DNAJC11: variants seen among roughly 807,000 people sequenced by gnomAD.
The protein encoded by DNAJC11 is dnaJ homolog subfamily C member 11.
A neutral mutation model predicts 78.6 loss-of-function variants in DNAJC11; 15 were observed. That is an observed-to-expected ratio of 0.19 (90% CI 0.13 to 0.29). DNAJC11 has a LOEUF of 0.29. Among genes scored for constraint, DNAJC11 ranks in the 10% least tolerant of loss-of-function variants. The probability of loss-of-function intolerance (pLI) is 1.00; values close to 1 mark genes in which losing one functional copy is unlikely to be tolerated. For missense variants in DNAJC11, 547 were observed against 709.6 expected (o/e 0.77, Z 2.60); for synonymous variants, 292 against 272.1 (o/e 1.07, Z -0.72).
At position 6,634,285 on chromosome 1, in the gene DNAJC11, C is replaced by A; in HGVS notation, c.*1390G>T. 1.1e-6 allele frequency: 1 copy of A among 883,612 alleles called. No homozygotes were observed. Among genetic ancestry groups the A allele is most frequent in the Non-Finnish European group, 1.7e-6 (1 of 595,652 alleles). The allele number at this position is 883,612 out of a possible 1,614,324, so 54.7% of individuals were successfully genotyped here. Reference sequence around the variant, plus strand: ...GCAGAGGCGCACGGGAAGCCCGGGGCCCAGGCTCATGCAACACGACGCTCA... The same window carrying A: ...GCAGAGGCGCACGGGAAGCCCGGGGACCAGGCTCATGCAACACGACGCTCA... On this transcript the variant is annotated 3_prime_UTR_variant, in exon 16 of 16. Coordinates refer to ENST00000377577, the MANE Select transcript of DNAJC11 (RefSeq NM_018198.4).
At chr1:6,663,558 G>T (rs1642250536) in intron 4 of DNAJC11, among the ~76,000 whole-genome samples, 1 of 152,182 alleles carries the variant, frequency 6.6e-6, no homozygotes, top group African/African-American at 2.4e-5. Context: ...AAATGCGGAT[G>T]GATTATGCAA....
chr1:6,648,438 G>A (rs1406726069), intron 7 of DNAJC11, among the ~76,000 whole-genome samples: 1 of 152,160 alleles, frequency 6.6e-6, no homozygotes, highest in Non-Finnish European at 1.5e-5. Flanking sequence ...TTACAGGCAT[G>A]AGCCACCGCA....
chr1:6,675,040 T>C (rs1464228473), intron 3 of DNAJC11, among the ~76,000 whole-genome samples: 6 of 152,230 alleles, frequency 3.9e-5, no homozygotes, highest in Non-Finnish European at 8.8e-5. Context: ...AAAGCTATTA[T>C]TGCAGTGAGA....
At chr1:6,659,546 G>A (rs1642177126) in intron 4 of DNAJC11, among the ~76,000 whole-genome samples, 1 of 151,806 alleles carries the variant, frequency 6.6e-6, no homozygotes, top group Non-Finnish European at 1.5e-5. Context: ...GATCACCTGA[G>A]GTCAGGAGTT....
rs1642053383 is a variant in DNAJC11 at position 6,651,422 on chromosome 1, T to C, written c.704+107A>G. On this transcript the variant is annotated intron_variant, in intron 7 of 15. Transcript: ENST00000377577. ...GCCCTTGATGTACGCAGTGACCTTG[T>C]AGGACAGACAAGATAGTGCCAACCA... The C allele has an allele frequency of 3.1e-6, 3 of 971,378 alleles. No individual in the cohort carries two copies. The Admixed American group carries it at 6.3e-5, about 20-fold the overall frequency. The allele number at this position is 971,378 out of a possible 1,614,324, so 60.2% of individuals were successfully genotyped here.
intron 1 of DNAJC11, among the ~76,000 whole-genome samples, chr1:6,700,174 G>A (rs2147890120): frequency 6.6e-6 from 1 of 152,102 alleles, no homozygotes; most frequent in African/African-American, 2.4e-5. Context: ...CCCTTAAGAA[G>A]GTACTTTGTA....
chr1:6,688,565 C>T (rs560769179), intron 1 of DNAJC11, among the ~76,000 whole-genome samples: 15 of 152,268 alleles, frequency 9.9e-5, no homozygotes, highest in African/African-American at 3.1e-4. Context: ...AAAAAAACTC[C>T]ATGCAAACAT....
At position 6,645,972 on chromosome 1, in the gene DNAJC11, C is replaced by A; in HGVS notation, c.711G>T (p.Val237=). 3 of 1,614,018 alleles carry A rather than the reference C, an allele frequency of 1.9e-6. No homozygotes were observed. Among genetic ancestry groups the A allele is most frequent in the Non-Finnish European group, 2.5e-6 (3 of 1,179,964 alleles). Residue 237 remains valine, a synonymous_variant, in exon 8 of 16, where the codon GTG becomes GTT. Transcript: ENST00000377577. The surrounding 1 kb of genome is among the most constrained non-coding windows in gnomAD (Gnocchi z 4.1). ...LFRNLTPRCF[V]TTNCALQFSS... The stretch of plus-strand genomic sequence containing the variant: ...AAAACTGCAGAGCACAGTTTGTTGT[C>A]ACAAAGCTGGAGAGACACAGAGACA...
intron 4 of DNAJC11, among the ~76,000 whole-genome samples, chr1:6,656,731 CA>C (rs33945459): frequency 0.66 from 80,709 of 123,208 alleles, 25,857 homozygotes; most frequent in South Asian, 0.74. Context: ...AAACTAAAAC[CA>C]AAAAAAAAAA....
rs59818822 is a variant in DNAJC11 at position 6,634,496 on chromosome 1, C to T, written c.*1179G>A. 5.4e-5 allele frequency: 72 copies of T among 1,341,652 alleles called. No individual in the cohort carries two copies. The highest frequency in any genetic ancestry group is 4.8e-5 in the East Asian group (1 of 20,996). 83.1% of individuals were successfully genotyped at this position (1,341,652 alleles called of 1,614,324 possible). The stretch of plus-strand genomic sequence containing the variant: ...CAGCTGTGGGTGGGCTGGAGGCCGG[C>T]GCAGCTTGGGGCCCCCCGCGCCAGC... On this transcript the variant is annotated 3_prime_UTR_variant, in exon 16 of 16. Transcript: ENST00000377577.
At chr1:6,700,820 G>A (rs143865759) in intron 1 of DNAJC11, among the ~76,000 whole-genome samples, 79 of 152,316 alleles carry the variant, frequency 5.2e-4, no homozygotes, top group African/African-American at 1.8e-3. Context: ...AAACCTGAGA[G>A]ATGGAATTAG....
intron 10 of DNAJC11, among the ~76,000 whole-genome samples, chr1:6,643,707 G>C (rs951464166): frequency 2.6e-5 from 4 of 152,152 alleles, no homozygotes; most frequent in African/African-American, 9.7e-5. Flanking sequence ...TGGAGATGCT[G>C]TGCCCGGGGG....
intron 1 of DNAJC11, among the ~76,000 whole-genome samples, chr1:6,698,714 G>T (rs2147889275): frequency 6.6e-6 from 1 of 151,986 alleles, no homozygotes; most frequent in South Asian, 2.1e-4. Context: ...GGCTGAGATG[G>T]GTGGACTGCT....
intron 7 of DNAJC11, chr1:6,651,201 A>C (rs537687936): frequency 8.6e-6 from 5 of 578,916 alleles, no homozygotes; most frequent in South Asian, 5.6e-5. Context: ...GGAACGATCC[A>C]TAAGTCTGTA....
chr1:6,652,681 A>G (rs1642073394), intron 6 of DNAJC11, 148 bp downstream of exon 6: 2 of 1,054,100 alleles, frequency 1.9e-6, no homozygotes, highest in African/African-American at 3.2e-5. Flanking sequence ...TTTTAGGACC[A>G]GTCAACTTAT....
At chr1:6,662,102 C>T (rs527796131) in intron 4 of DNAJC11, among the ~76,000 whole-genome samples, 6 of 148,382 alleles carry the variant, frequency 4.0e-5, no homozygotes, top group Non-Finnish European at 8.9e-5. Flanking sequence ...CAGGAGCACG[C>T]CACCATGCCC....
In DNAJC11 at chr1:6,640,032, A is replaced by G; in HGVS notation, c.1123T>C (p.Phe375Leu). The G allele has an allele frequency of 6.5e-7, 1 of 1,540,422 alleles. No homozygotes were observed. The highest frequency in any genetic ancestry group is 1.4e-5 in the African/African-American group (1 of 71,636). ...VKLNRASQTY[F>L]FPIHLTDQLL... The stretch of plus-strand genomic sequence containing the variant: ...TGGTCCGTCAAGTGAATAGGGAAGA[A>G]GTATGTCTGACTGGCCCTGTTGAGC... The change falls in exon 11 of 16, where the codon TTC (phenylalanine) becomes CTC (leucine). Residue 375 changes from phenylalanine to leucine, a missense_variant. Phe to Leu is a conservative substitution (Grantham distance 22). Transcript: ENST00000377577.
chr1:6,637,565 G>C (rs923349898), intron 12 of DNAJC11, 61 bp from the exon 13 acceptor site: 36 of 1,585,734 alleles, frequency 2.3e-5, no homozygotes, highest in Non-Finnish European at 2.8e-5. Context: ...CCTCTGGTGA[G>C]AGGGCCACAG....
chr1:6,638,196 G>A (rs988527752), intron 12 of DNAJC11, 99 bp downstream of exon 12: 32 of 1,212,298 alleles, frequency 2.6e-5, no homozygotes, highest in Non-Finnish European at 3.4e-5. Flanking sequence ...CAAGTTGTTG[G>A]AGAAGAGAAG....
Sources: allele counts gnomAD v4.1 joint callset (sites outside exome capture counted in the v4.1 genomes callset), GRCh38; gene constraint gnomAD v4.1.1; non-coding constraint Gnocchi (gnomAD v3.1); transcripts MANE v1.5; gene names NCBI Gene and HGNC (gene_info 2026-07-23, HGNC 2026-07-21).